The following ANGPT1 variants were observed in gnomAD, a reference collection of about 807,000 sequenced individuals.
ANGPT1 encodes the protein angiopoietin 1, also known as angiopoietin-1.
ANGPT1 carries 17 observed loss-of-function variants against 62.2 expected under a neutral mutation model. The ratio of observed to expected loss-of-function variants is 0.27; its 90% confidence interval spans 0.19 to 0.41. The LOEUF (loss-of-function observed/expected upper bound fraction) is 0.41. Among genes scored for constraint, ANGPT1 ranks in the 10% least tolerant of loss-of-function variants. The pLI is 1.00. For synonymous variants in ANGPT1, 199 were observed against 198.9 expected, an observed-to-expected ratio of 1.00 and a Z score of 0.00; for missense variants, 478 against 594.9, an observed-to-expected ratio of 0.80 and a Z score of 2.04.
intron 7 of ANGPT1, among the ~76,000 whole-genome samples, chr8:107,266,179 C>A (rs1813609570): frequency 6.6e-6 from 1 of 152,126 alleles, no homozygotes; most frequent in Admixed American, 6.6e-5. Flanking sequence ...TGCAGCCAGC[C>A]CACGTGGAGG....
Position 107,497,634 on chromosome 8 carries a change from A to C in ANGPT1, c.-76T>G, listed in dbSNP as rs1813148752. 6.9e-7 allele frequency: 1 copy of C among 1,439,076 alleles called. No individual in the cohort carries two copies. The highest frequency in any genetic ancestry group is 2.5e-5 in the East Asian group (1 of 40,414). 89.1% of individuals were successfully genotyped at this position (1,439,076 alleles called of 1,614,324 possible). A position where few individuals can be genotyped will look rare whatever the true frequency, so the allele number is the denominator to read the frequency against. On this transcript the variant is annotated 5_prime_UTR_variant, in exon 1 of 9. Coordinates refer to ENST00000517746, the MANE Select transcript of ANGPT1 (RefSeq NM_001146.5). Reference sequence around the variant, plus strand: ...TTCTGACCTCTAAAACTAGTTCTTTATTTCAGGTAAAACTGCTTGTTTGTT... The same window carrying C: ...TTCTGACCTCTAAAACTAGTTCTTTCTTTCAGGTAAAACTGCTTGTTTGTT...
chr8:107,346,271 C>A (rs541213478), intron 2 of ANGPT1, among the ~76,000 whole-genome samples: 6 of 152,138 alleles, frequency 3.9e-5, no homozygotes, highest in African/African-American at 1.4e-4. Flanking sequence ...AGAATGGTAA[C>A]TGGAATAATG....
At chr8:107,382,551 C>A (rs890633960) in intron 1 of ANGPT1, among the ~76,000 whole-genome samples, 1 of 152,062 alleles carries the variant, frequency 6.6e-6, no homozygotes, top group Admixed American at 6.6e-5. Context: ...AAAAAAGTCC[C>A]TATTTATAGC....
chr8:107,462,218 G>A (rs1342718964), intron 1 of ANGPT1, among the ~76,000 whole-genome samples: 1 of 151,970 alleles, frequency 6.6e-6, no homozygotes, highest in African/African-American at 2.4e-5. Flanking sequence ...CACTGGCAAT[G>A]AAAATATGAA....
intron 2 of ANGPT1, among the ~76,000 whole-genome samples, chr8:107,339,993 C>T (rs941540162): frequency 6.6e-6 from 1 of 152,198 alleles, no homozygotes; most frequent in Non-Finnish European, 1.5e-5. Context: ...TTCCCCATCA[C>T]CTTGACCCCA....
intron 7 of ANGPT1, among the ~76,000 whole-genome samples, chr8:107,268,138 A>G (rs1434272736): frequency 6.6e-6 from 1 of 152,120 alleles, no homozygotes; most frequent in Non-Finnish European, 1.5e-5. Flanking sequence ...GAATCTTGAA[A>G]TCTTGAACAG....
At chr8:107,419,964 A>C (rs188955437) in intron 1 of ANGPT1, among the ~76,000 whole-genome samples, 1 of 152,326 alleles carries the variant, frequency 6.6e-6, no homozygotes, top group African/African-American at 2.4e-5. Context: ...ACATCTCATT[A>C]GTTAATATGT....
chr8:107,363,566 C>T (rs531728153), intron 1 of ANGPT1, among the ~76,000 whole-genome samples: 12 of 152,278 alleles, frequency 7.9e-5, no homozygotes, highest in South Asian at 6.2e-4. Flanking sequence ...GTTGCTTTCC[C>T]TCTCTGTGCT....
At chr8:107,454,068 T>C (rs1434843776) in intron 1 of ANGPT1, among the ~76,000 whole-genome samples, 1 of 152,112 alleles carries the variant, frequency 6.6e-6, no homozygotes, top group African/African-American at 2.4e-5. Flanking sequence ...ATGCTACTGA[T>C]ATAATATGAA....
intron 1 of ANGPT1, among the ~76,000 whole-genome samples, chr8:107,378,816 C>T (rs1414413463): frequency 6.6e-6 from 1 of 151,998 alleles, no homozygotes; most frequent in Non-Finnish European, 1.5e-5. Context: ...CCCGAGGCCT[C>T]CCCAGCCATG....
intron 1 of ANGPT1, among the ~76,000 whole-genome samples, chr8:107,381,805 A>T (rs2436561): frequency 0.31 from 46,602 of 152,068 alleles, 8,299 homozygotes; most frequent in East Asian, 0.59. Flanking sequence ...GTTTTCCAAA[A>T]GAAAAGCAAG....
chr8:107,307,224 T>C (rs182900140), intron 4 of ANGPT1, among the ~76,000 whole-genome samples: 33 of 152,166 alleles, frequency 2.2e-4, no homozygotes, highest in African/African-American at 7.7e-4. Context: ...TTAGCCTCGA[T>C]CCCAGAGTCA....
At chr8:107,373,781 C>A (rs999330556) in intron 1 of ANGPT1, among the ~76,000 whole-genome samples, 8 of 152,170 alleles carry the variant, frequency 5.3e-5, no homozygotes, top group Non-Finnish European at 1.2e-4. Context: ...AAAAATCTGA[C>A]TTATTGTGTC....
At chr8:107,280,974 C>T (rs1362139735) in intron 7 of ANGPT1, among the ~76,000 whole-genome samples, 2 of 152,136 alleles carry the variant, frequency 1.3e-5, no homozygotes, top group African/African-American at 4.8e-5. Flanking sequence ...TAAATAATTT[C>T]ACATTGATAC....
At chr8:107,496,078 A>G (rs1399363738) in intron 1 of ANGPT1, among the ~76,000 whole-genome samples, 1 of 152,220 alleles carries the variant, frequency 6.6e-6, no homozygotes, top group Non-Finnish European at 1.5e-5. Flanking sequence ...CAGGAACAAA[A>G]TAGAGCATTT....
At chr8:107,255,088 A>G (rs1028446403) in intron 8 of ANGPT1, among the ~76,000 whole-genome samples, 1 of 152,188 alleles carries the variant, frequency 6.6e-6, no homozygotes, top group Non-Finnish European at 1.5e-5. Context: ...CTGACTTTAA[A>G]GCATGCACAG....
intron 1 of ANGPT1, among the ~76,000 whole-genome samples, chr8:107,390,273 A>G (rs996220706): frequency 2.6e-5 from 4 of 152,210 alleles, no homozygotes; most frequent in Admixed American, 2.0e-4. Flanking sequence ...GAAGTTTATG[A>G]AACTGAGCAC....
intron 3 of ANGPT1, 62 bp downstream of exon 3, chr8:107,336,088 A>T: frequency 6.8e-7 from 1 of 1,461,208 alleles, no homozygotes; most frequent in Non-Finnish European, 9.0e-7. Flanking sequence ...AAGAGTTGGC[A>T]GAGAGGTGAA....
intron 3 of ANGPT1, among the ~76,000 whole-genome samples, chr8:107,323,184 G>A (rs572374243): frequency 1.3e-5 from 2 of 152,210 alleles, no homozygotes; most frequent in Admixed American, 6.5e-5. Context: ...GATAGAGAAA[G>A]CAGAAGCATT....
Sources: allele counts gnomAD v4.1 joint callset (sites outside exome capture counted in the v4.1 genomes callset), GRCh38; gene constraint gnomAD v4.1.1; transcripts MANE v1.5; gene names NCBI Gene and HGNC (gene_info 2026-07-23, HGNC 2026-07-21).